EPB41L4B: variants seen among roughly 807,000 people sequenced by gnomAD.
EPB41L4B encodes the protein band 4.1-like protein 4B.
In EPB41L4B, 30 loss-of-function variants were observed where a neutral mutation model predicts 112.5. That is an observed-to-expected ratio of 0.27 (90% CI 0.20 to 0.36). The LOEUF (loss-of-function observed/expected upper bound fraction) is 0.36. Among genes scored for constraint, EPB41L4B ranks in the 10% least tolerant of loss-of-function variants. The probability of loss-of-function intolerance (pLI) is 1.00; values close to 1 mark genes in which losing one functional copy is unlikely to be tolerated. For missense variants in EPB41L4B, 1,024 were observed against 1,133.3 expected, an observed-to-expected ratio of 0.90 and a Z score of 1.38; for synonymous variants, 408 against 439.7, an observed-to-expected ratio of 0.93 and a Z score of 0.90.
intron 1 of EPB41L4B, among the ~76,000 whole-genome samples, chr9:109,299,341 T>C (rs1219805441): frequency 6.6e-6 from 1 of 152,190 alleles, no homozygotes; most frequent in African/African-American, 2.4e-5. Context: ...AGTGGTGCCA[T>C]CATGGCTCAC....
chr9:109,174,671 G>T (rs746929068), intron 25 of EPB41L4B, 48 bp from the exon 26 acceptor site: 1 of 1,543,494 alleles, frequency 6.5e-7, no homozygotes, highest in South Asian at 1.1e-5. Context: ...CTCAAAAATT[G>T]CAGAAGCAGA....
At chr9:109,194,185 G>A (rs1335415262) in intron 21 of EPB41L4B, 35 bp downstream of exon 21, 1 of 1,595,528 alleles carries the variant, frequency 6.3e-7, no homozygotes, top group Non-Finnish European at 8.6e-7. Context: ...CCCAGCAAGT[G>A]TGGCTGCTCG....
At chr9:109,308,791 G>C (rs1837311555) in intron 1 of EPB41L4B, among the ~76,000 whole-genome samples, 1 of 152,114 alleles carries the variant, frequency 6.6e-6, no homozygotes, top group African/African-American at 2.4e-5. Context: ...GAAATTAAAT[G>C]TTTAGGCCAG....
At chr9:109,236,008 C>T (rs1329698363) in intron 15 of EPB41L4B, among the ~76,000 whole-genome samples, 1 of 152,212 alleles carries the variant, frequency 6.6e-6, no homozygotes, top group Non-Finnish European at 1.5e-5. Context: ...GGGCTCTTGT[C>T]CCTTGACAAA....
At chr9:109,287,421 T>A (rs1340021582) in intron 1 of EPB41L4B, among the ~76,000 whole-genome samples, 1 of 152,094 alleles carries the variant, frequency 6.6e-6, no homozygotes, top group Non-Finnish European at 1.5e-5. Context: ...CCATCAAATC[T>A]CATTAGTCTC....
rs1267428594 is a variant in EPB41L4B, at chr9:109,247,766, T to C, written c.1334A>G (p.His445Arg). ...QLCSKTNPEV[H>R]NYQPQYHPNI... ...AAAGCAGTATCTTACCTGGTAATTATGGACTTCTGGATTTGTTTTAGAGCT... is the reference window on the plus strand; with the variant it reads ...AAAGCAGTATCTTACCTGGTAATTACGGACTTCTGGATTTGTTTTAGAGCT... The change falls in exon 14 of 26, where the codon CAT (histidine) becomes CGT (arginine). Residue 445 changes from histidine (H) to arginine (R), a missense_variant. Physicochemically the swap from His to Arg is conservative, Grantham distance 29. Transcript: ENST00000374566. 3 of 1,497,952 alleles carry C rather than the reference T, an allele frequency of 2.0e-6. No individual in the cohort carries two copies. The highest frequency in any genetic ancestry group is 1.8e-6 in the Non-Finnish European group (2 of 1,123,714). 92.8% of individuals were successfully genotyped at this position (1,497,952 alleles called of 1,614,324 possible).
chr9:109,254,806 C>T (rs1333157828), intron 11 of EPB41L4B, among the ~76,000 whole-genome samples: 1 of 152,184 alleles, frequency 6.6e-6, no homozygotes, highest in Admixed American at 6.5e-5. Flanking sequence ...TGTTTTCAGG[C>T]TCTTTTCAGA....
chr9:109,282,757 C>A (rs956813063), intron 1 of EPB41L4B, among the ~76,000 whole-genome samples: 1 of 152,100 alleles, frequency 6.6e-6, no homozygotes, highest in African/African-American at 2.4e-5. Flanking sequence ...GTGGTGCAAT[C>A]TTGACTCACT....
At chr9:109,235,606 C>G (rs1188234630) in intron 15 of EPB41L4B, among the ~76,000 whole-genome samples, 1 of 151,878 alleles carries the variant, frequency 6.6e-6, no homozygotes, top group Admixed American at 6.6e-5. Flanking sequence ...CCATGTTGGC[C>G]AGGCTGGTCA....
intron 5 of EPB41L4B, among the ~76,000 whole-genome samples, chr9:109,264,397 C>T (rs368314965): frequency 6.6e-6 from 1 of 152,120 alleles, no homozygotes; most frequent in Non-Finnish European, 1.5e-5. Context: ...AAGAGCTATG[C>T]CTGTTGAAAC....
intron 21 of EPB41L4B, among the ~76,000 whole-genome samples, chr9:109,193,064 C>T (rs1832516710): frequency 6.6e-6 from 1 of 152,130 alleles, no homozygotes; most frequent in South Asian, 2.1e-4. Context: ...GAGCCTGGGT[C>T]CACACCTGAG....
chr9:109,286,209 A>G (rs960083083), intron 1 of EPB41L4B, among the ~76,000 whole-genome samples: 15 of 151,442 alleles, frequency 9.9e-5, no homozygotes, highest in African/African-American at 2.2e-4. Context: ...GGATGGATGG[A>G]TGGATGGATG....
intron 15 of EPB41L4B, chr9:109,240,039 CTGAA>C: frequency 1.0e-6 from 1 of 985,378 alleles, no homozygotes; most frequent in Non-Finnish European, 1.2e-6. Context: ...ACCCACCTAA[CTGAA>C]TGCTCACCTT....
At chr9:109,196,339 T>C (rs1025879525) in intron 20 of EPB41L4B, 3 of 152,172 alleles carry the variant, frequency 2.0e-5, no homozygotes, top group Non-Finnish European at 2.9e-5. Context: ...TTTTACACTA[T>C]GTTTAAATAA....
At chr9:109,262,624 C>T (rs1835255910) in intron 6 of EPB41L4B, among the ~76,000 whole-genome samples, 1 of 152,150 alleles carries the variant, frequency 6.6e-6, no homozygotes, top group African/African-American at 2.4e-5. Flanking sequence ...TCCGGCCAGG[C>T]CTGCTCCCTC....
At chr9:109,279,986 A>T in intron 1 of EPB41L4B, 65 bp from the exon 2 acceptor site, 1 of 1,230,556 alleles carries the variant, frequency 8.1e-7, no homozygotes. Context: ...AAAAAAGGTT[A>T]AAAAAAACCT....
chr9:109,268,146 T>A (rs1835473342), intron 3 of EPB41L4B, among the ~76,000 whole-genome samples: 2 of 152,214 alleles, frequency 1.3e-5, no homozygotes, highest in African/African-American at 4.8e-5. Context: ...CAGTTCTCAT[T>A]GGCAGAGGCG....
intron 1 of EPB41L4B, among the ~76,000 whole-genome samples, chr9:109,319,734 T>G (rs1435061455): frequency 1.3e-5 from 2 of 152,126 alleles, no homozygotes; most frequent in African/African-American, 4.8e-5. Context: ...CACATTGATT[T>G]GAGATTTTCT....
At chr9:109,258,058 G>T in intron 7 of EPB41L4B, 119 bp downstream of exon 7, 1 of 1,075,860 alleles carries the variant, frequency 9.3e-7, no homozygotes, top group Non-Finnish European at 1.3e-6. Flanking sequence ...GAGAAGAGTT[G>T]GCGCTGCAGT....
Sources: gnomAD v4.1 joint callset for allele counts (sites outside exome capture counted in the v4.1 genomes callset) on GRCh38, gnomAD v4.1.1 for gene constraint, MANE v1.5 for transcripts, NCBI Gene and HGNC (gene_info 2026-07-23, HGNC 2026-07-21) for gene names.